SIPA1L1: variants seen among roughly 807,000 people sequenced by gnomAD.
SIPA1L1 encodes signal induced proliferation associated 1 like 1, also known as signal-induced proliferation-associated 1-like protein 1.
SIPA1L1 carries 26 observed loss-of-function variants against 162.7 expected under a neutral mutation model. That is an observed-to-expected ratio of 0.16 (90% CI 0.12 to 0.22). SIPA1L1 has a LOEUF of 0.22. SIPA1L1 is among the 10% of genes least tolerant of loss of function. The pLI is 1.00. For missense variants in SIPA1L1, 1,874 were observed against 2,241.0 expected, an observed-to-expected ratio of 0.84 and a Z score of 3.31; for synonymous variants, 829 against 837.4, an observed-to-expected ratio of 0.99 and a Z score of 0.17.
intron 2 of SIPA1L1, among the ~76,000 whole-genome samples, chr14:71,399,873 A>G (rs2139992426): frequency 6.6e-6 from 1 of 152,176 alleles, no homozygotes. Context: ...GGTGTATACC[A>G]TGACACCTGG....
chr14:71,671,482 A>C lies in SIPA1L1; in HGVS notation c.2619A>C (p.Glu873Asp), dbSNP rs2044504151. 6.2e-7 allele frequency: 1 copy of C among 1,614,202 alleles called. No individual in the cohort carries two copies. Among genetic ancestry groups the C allele is most frequent in the South Asian group, 1.1e-5 (1 of 91,082 alleles). ...VRAEDYNKAM[E>D]LDCLLGISNE... ...CTGAAGACTACAACAAGGCCATGGA[A>C]CTAGACTGCCTTTTAGGGATCTCCA... The change falls in exon 11 of 24, where the codon GAA becomes GAC. Residue 873 changes from glutamate (E) to aspartate (D), a missense_variant. Coordinates refer to ENST00000381232, the MANE Select transcript of SIPA1L1 (RefSeq NM_001386936.1).
At chr14:71,713,237 A>G (rs1157604513) in intron 17 of SIPA1L1, among the ~76,000 whole-genome samples, 1 of 152,238 alleles carries the variant, frequency 6.6e-6, no homozygotes, top group Non-Finnish European at 1.5e-5. Flanking sequence ...CTGATGACTC[A>G]AACCAGTTCA....
chr14:71,505,377 G>T (rs949227427), intron 2 of SIPA1L1, among the ~76,000 whole-genome samples: 3 of 146,952 alleles, frequency 2.0e-5, no homozygotes, highest in African/African-American at 7.5e-5. Flanking sequence ...AAAACTTACC[G>T]TTACTGCTGT....
At chr14:71,510,764 C>A (rs1159490989) in intron 2 of SIPA1L1, among the ~76,000 whole-genome samples, 2 of 152,116 alleles carry the variant, frequency 1.3e-5, no homozygotes, top group East Asian at 3.9e-4. Flanking sequence ...TTGGTATGAA[C>A]CAATCGATGA....
intron 4 of SIPA1L1, among the ~76,000 whole-genome samples, chr14:71,565,028 A>C (rs1386811128): frequency 6.6e-6 from 1 of 152,234 alleles, no homozygotes; most frequent in Non-Finnish European, 1.5e-5. Flanking sequence ...AAAAATTTTA[A>C]GTTGGTGAGA....
chr14:71,330,261 G>C (rs1332811163), intron 2 of SIPA1L1: 1 of 691,474 alleles, frequency 1.4e-6, no homozygotes, highest in Non-Finnish European at 2.7e-6. Context: ...GGGGCTGAAA[G>C]TAGAAGTGGC....
Position 71,588,358 on chromosome 14 carries a change from C to T in SIPA1L1, c.486C>T (p.Ser162=), listed in dbSNP as rs1022940309. The T allele has an allele frequency of 7.4e-6, 12 of 1,613,830 alleles. No homozygotes were observed. The highest frequency in any genetic ancestry group is 9.3e-6 in the Non-Finnish European group (11 of 1,179,980). The change falls in exon 5 of 24, where the codon TCC becomes TCT. Residue 162 remains serine, a synonymous_variant. Coordinates refer to ENST00000381232, the MANE Select transcript of SIPA1L1 (RefSeq NM_001386936.1). This position sits in a 1 kb window ranked among gnomAD's most constrained non-coding sequence, Gnocchi z 4.3. ...TCATGCCTGAAGCCTACCCCAGCTC[C>T]CCCAGAAAAGCTCTTCGCAGAATAC... The part of the protein sequence containing the change: ...RFLMPEAYPS[S]PRKALRRIRQ...
intron 17 of SIPA1L1, among the ~76,000 whole-genome samples, chr14:71,710,476 T>C (rs1055162080): frequency 1.3e-5 from 2 of 152,196 alleles, no homozygotes; most frequent in African/African-American, 4.8e-5. Flanking sequence ...CCATCTAACC[T>C]TGCTGTCTTC....
At chr14:71,719,957 A>G (rs373781343) in intron 17 of SIPA1L1, among the ~76,000 whole-genome samples, 1 of 152,218 alleles carries the variant, frequency 6.6e-6, no homozygotes, top group African/African-American at 2.4e-5. Flanking sequence ...CACTGTAAAT[A>G]TGTTATCCCC....
chr14:71,489,228 T>C (rs1289854663), intron 2 of SIPA1L1, among the ~76,000 whole-genome samples: 1 of 152,210 alleles, frequency 6.6e-6, no homozygotes, highest in African/African-American at 2.4e-5. Flanking sequence ...CCTAGGGATC[T>C]GATAGGCTAT....
At chr14:71,461,913 G>A (rs191447513) in intron 2 of SIPA1L1, among the ~76,000 whole-genome samples, 72 of 152,314 alleles carry the variant, frequency 4.7e-4, no homozygotes, top group Middle Eastern at 6.8e-3. Flanking sequence ...CCATGAGGCC[G>A]TGGGTGCAGG....
chr14:71,581,239 C>T (rs1043264656), intron 4 of SIPA1L1, among the ~76,000 whole-genome samples: 2 of 152,034 alleles, frequency 1.3e-5, no homozygotes, highest in African/African-American at 4.8e-5. Context: ...CTATGTTACC[C>T]AGGCTGGTCT....
At chr14:71,637,575 T>TA (rs1567368883) in intron 7 of SIPA1L1, among the ~76,000 whole-genome samples, 2 of 150,938 alleles carry the variant, frequency 1.3e-5, no homozygotes, top group Middle Eastern at 3.4e-3. Flanking sequence ...ACAAAAAATT[T>TA]AAAAAAAAAG....
intron 6 of SIPA1L1, among the ~76,000 whole-genome samples, chr14:71,623,772 A>G (rs1411007871): frequency 6.6e-6 from 1 of 152,216 alleles, no homozygotes; most frequent in African/African-American, 2.4e-5. Context: ...GATCTCTTTA[A>G]GGAAATGTTA....
intron 2 of SIPA1L1, among the ~76,000 whole-genome samples, chr14:71,360,987 A>G (rs1039229398): frequency 6.6e-6 from 1 of 152,150 alleles, no homozygotes; most frequent in Admixed American, 6.5e-5. Context: ...GTTTTTGAAA[A>G]GAGAGATGAT....
intron 4 of SIPA1L1, among the ~76,000 whole-genome samples, chr14:71,563,767 G>C (rs1278770101): frequency 6.6e-6 from 1 of 152,096 alleles, no homozygotes; most frequent in Non-Finnish European, 1.5e-5. Context: ...CAGCTCCACT[G>C]TTTTCTTTGT....
At chr14:71,509,744 CA>C (rs200495533) in intron 2 of SIPA1L1, among the ~76,000 whole-genome samples, 182 of 113,676 alleles carry the variant, frequency 1.6e-3, no homozygotes, top group Admixed American at 1.9e-3. Context: ...AACTCCATCT[CA>C]AAAAAAAAAA....
At chr14:71,738,894 T>G (rs1390528380) in intron 23 of SIPA1L1, 124 bp from the exon 24 acceptor site, 2 of 1,115,880 alleles carry the variant, frequency 1.8e-6, no homozygotes, top group Non-Finnish European at 1.3e-6. Flanking sequence ...TTTAGACAGG[T>G]GTTTGGAGGA....
intron 4 of SIPA1L1, among the ~76,000 whole-genome samples, chr14:71,542,665 CCCT>C (rs141999588): frequency 0.13 from 13,134 of 100,812 alleles, 1,417 homozygotes; most frequent in Non-Finnish European, 0.2. Flanking sequence ...TCCTCCTCCT[CCCT>C]CCTCCTCCTC....
Sources: gnomAD v4.1 joint callset for allele counts (sites outside exome capture counted in the v4.1 genomes callset) on GRCh38, gnomAD v4.1.1 for gene constraint, Gnocchi (gnomAD v3.1) non-coding constraint, MANE v1.5 for transcripts, NCBI Gene and HGNC (gene_info 2026-07-23, HGNC 2026-07-21) for gene names.